Variants in GNAI2 observed in about 807,000 individuals in gnomAD.
GNAI2 encodes the protein G protein subunit alpha i2.
Under a neutral mutation model 36.8 loss-of-function variants are expected in GNAI2, and 4 were observed. That is an observed-to-expected ratio of 0.11 (90% confidence interval 0.05 to 0.25). The LOEUF (loss-of-function observed/expected upper bound fraction) is 0.25. Among genes scored for constraint, GNAI2 ranks in the 10% least tolerant of loss-of-function variants. The probability of loss-of-function intolerance (pLI) is 1.00; values close to 1 mark genes in which losing one functional copy is unlikely to be tolerated. For missense variants in GNAI2, 230 were observed against 481.3 expected (o/e 0.48, Z 4.89); for synonymous variants, 194 against 194.1 (o/e 1.00, Z 0.01).
upstream of GNAI2, among the ~76,000 whole-genome samples, chr3:50,228,871 G>A (rs770306073): frequency 6.6e-6 from 1 of 152,128 alleles, no homozygotes; most frequent in Non-Finnish European, 1.5e-5. Flanking sequence ...TGCTCCATAC[G>A]GTACAGGCAG....
chr3:50,246,187 G>A (rs1553701751), intron 1 of GNAI2, among the ~76,000 whole-genome samples: 1 of 152,204 alleles, frequency 6.6e-6, no homozygotes, highest in Non-Finnish European at 1.5e-5. Context: ...CCTCCCTCCC[G>A]TTGCCATGGT....
intron 1 of GNAI2, among the ~76,000 whole-genome samples, chr3:50,248,697 G>C (rs975324140): frequency 3.3e-5 from 5 of 152,148 alleles, no homozygotes; most frequent in African/African-American, 9.7e-5. Flanking sequence ...AGGGATAGGG[G>C]CTCCATGACC....
chr3:50,232,295 G>C (rs587616579), upstream of GNAI2, among the ~76,000 whole-genome samples: 3 of 152,048 alleles, frequency 2.0e-5, no homozygotes, highest in African/African-American at 7.2e-5. Flanking sequence ...ATGCCACTGC[G>C]CTCCAGCTTG....
chr3:50,250,001 G>A (rs1307648805), intron 1 of GNAI2, among the ~76,000 whole-genome samples: 2 of 152,198 alleles, frequency 1.3e-5, no homozygotes, highest in East Asian at 3.9e-4. Context: ...GTGTGGCTCC[G>A]CTGCAGTACC....
At chr3:50,233,227 G>A (rs1280778023), upstream of GNAI2, among the ~76,000 whole-genome samples, 3 of 152,156 alleles carry the variant, frequency 2.0e-5, no homozygotes, top group Non-Finnish European at 2.9e-5. Flanking sequence ...GCTGACTGGC[G>A]GGAAGGGTGC....
Position 50,240,382 on chromosome 3 carries a change from C to T in GNAI2, c.118+3929C>T, listed in dbSNP as rs191032469. ...AGCAGGAAGACTTGGCCTGTATTCCCAAGAGCTTGGGTGGGTGTTTCCTGG... is the reference window on the plus strand; with the variant it reads ...AGCAGGAAGACTTGGCCTGTATTCCTAAGAGCTTGGGTGGGTGTTTCCTGG... On this transcript the variant is annotated intron_variant, in intron 1 of 8. Transcript: ENST00000313601. Among the ~76,000 whole-genome samples the T allele has an allele frequency of 5.8e-4, 88 of 152,274 alleles. 1 individual carries two copies. Among genetic ancestry groups the T allele is most frequent in the African/African-American group, 2.0e-3 (84 of 41,558 alleles).
chr3:50,256,927 C>T lies in GNAI2; in HGVS notation c.724-10C>T, dbSNP rs782024192. 13 of 1,614,042 alleles carry T rather than the reference C, an allele frequency of 8.1e-6. No homozygotes were observed. Among genetic ancestry groups the T allele is most frequent in the Non-Finnish European group, 1.0e-5 (12 of 1,179,932 alleles). On this transcript the variant is annotated splice_polypyrimidine_tract_variant and intron_variant, in intron 6 of 8. Coordinates refer to ENST00000313601, the MANE Select transcript of GNAI2 (RefSeq NM_002070.4). ...GGTGGCTAGCGTTGACCTTGCTATT[C>T]TACCCCCAGAACCGCATGCATGAGA...
At chr3:50,239,699 A>C (rs977486236) in intron 1 of GNAI2, 3 of 152,234 alleles carry the variant, frequency 2.0e-5, no homozygotes, top group Non-Finnish European at 4.4e-5. Flanking sequence ...GTTTCTTCCC[A>C]GCCCCGCCAC....
Position 50,236,220 on chromosome 3 carries a change from C to T in GNAI2, c.-116C>T, listed in dbSNP as rs1575437776. On this transcript the variant is annotated 5_prime_UTR_variant, in exon 1 of 9. Transcript: ENST00000313601. This position sits in a 1 kb window ranked among gnomAD's most constrained non-coding sequence, Gnocchi z 4.0. ...GCCTCCCGCAGTCGCTCGGAACTGC[C>T]GACCCGAGTGCTTCCCGCAGAGGGC... 4 of 1,188,070 alleles carry T rather than the reference C, an allele frequency of 3.4e-6. No homozygotes were observed. The highest frequency in any genetic ancestry group is 4.2e-6 in the Non-Finnish European group (4 of 960,736). The allele number at this position is 1,188,070 out of a possible 1,614,324, so 73.6% of individuals were successfully genotyped here. A position where few individuals can be genotyped will look rare whatever the true frequency, so the allele number is the denominator to read the frequency against.
intron 1 of GNAI2, chr3:50,239,793 C>T (rs1700260283): frequency 6.6e-6 from 1 of 152,256 alleles, no homozygotes; most frequent in South Asian, 2.1e-4. Context: ...TTCTTCCTTC[C>T]AACTCAGGCT....
At chr3:50,257,975 G>A (rs1481623043) in intron 8 of GNAI2, 1 of 357,004 alleles carries the variant, frequency 2.8e-6, no homozygotes, top group Non-Finnish European at 5.1e-6. Flanking sequence ...GACAGAACCA[G>A]AGGCCATCCT....
chr3:50,247,496 G>T (rs1391192866), intron 1 of GNAI2, among the ~76,000 whole-genome samples: 1 of 152,236 alleles, frequency 6.6e-6, no homozygotes, highest in East Asian at 1.9e-4. Context: ...TGACTTGAAT[G>T]CTGGGGCCTG....
At chr3:50,229,370 G>A, upstream of GNAI2, 1 of 152,262 alleles carries the variant, frequency 6.6e-6, no homozygotes, top group Non-Finnish European at 1.5e-5. Context: ...AGCCCTGAGA[G>A]CTCCTGAGTT....
chr3:50,249,713 C>G (rs1461895835), intron 1 of GNAI2, among the ~76,000 whole-genome samples: 1 of 152,260 alleles, frequency 6.6e-6, no homozygotes, highest in Non-Finnish European at 1.5e-5. Flanking sequence ...ACCCAACTAG[C>G]TGTCACTCCC....
Position 50,253,950 on chromosome 3 carries a change from G to GGGT in GNAI2, c.464+772_464+774dup, listed in dbSNP as rs1355369251. On this transcript the variant is annotated intron_variant, in intron 4 of 8. Coordinates refer to ENST00000313601, the MANE Select transcript of GNAI2 (RefSeq NM_002070.4). This position sits in a 1 kb window ranked among gnomAD's most constrained non-coding sequence, Gnocchi z 4.2. ...GGGGCATAGCATGTGCAGCATCTCGGGGTGGTGGGGAGCTGGCTGTGCTTG... is the reference window on the plus strand; with the variant it reads ...GGGGCATAGCATGTGCAGCATCTCGGGGTGGTGGTGGGGAGCTGGCTGTGCTTG... Among the ~76,000 whole-genome samples, 2 of 152,112 alleles carry GGGT rather than the reference G, an allele frequency of 1.3e-5. No individual in the cohort carries two copies. Among genetic ancestry groups the GGGT allele is most frequent in the African/African-American group, 4.8e-5 (2 of 41,402 alleles).
At chr3:50,228,552 A>G (rs1457670014), upstream of GNAI2, among the ~76,000 whole-genome samples, 1 of 99,700 alleles carries the variant, frequency 1.0e-5, no homozygotes, top group African/African-American at 7.8e-5. Flanking sequence ...TCCGTCTCCA[A>G]AAAAAAAAAA....
At chr3:50,228,181 A>G (rs1575431702), upstream of GNAI2, among the ~76,000 whole-genome samples, 1 of 152,040 alleles carries the variant, frequency 6.6e-6, no homozygotes. Flanking sequence ...AATGGTGCCC[A>G]CCTCCTATCC....
Position 50,236,927 on chromosome 3 carries a change from T to A in GNAI2, c.118+474T>A, listed in dbSNP as rs1553700474. Among the ~76,000 whole-genome samples the A allele has an allele frequency of 6.6e-6, 1 of 152,092 alleles. No individual in the cohort carries two copies. Among genetic ancestry groups the A allele is most frequent in the East Asian group, 1.9e-4 (1 of 5,192 alleles). ...CCCCCACCCACTCCCTCCTTCTCCT[T>A]CTGTGCCCCATCCCTAGTCTGGAAT... is the stretch of plus-strand genomic sequence containing the variant. On this transcript the variant is annotated intron_variant, in intron 1 of 8. Transcript: ENST00000313601. The surrounding 1 kb of genome is among the most constrained non-coding windows in gnomAD (Gnocchi z 4.0).
chr3:50,243,206 C>A (rs1700335070), intron 1 of GNAI2, among the ~76,000 whole-genome samples: 1 of 152,256 alleles, frequency 6.6e-6, no homozygotes, highest in Non-Finnish European at 1.5e-5. Context: ...GTCCAGGTAG[C>A]TCTGTACCTT....
Sources: allele counts gnomAD v4.1 joint callset (sites outside exome capture counted in the v4.1 genomes callset), GRCh38; gene constraint gnomAD v4.1.1; non-coding constraint Gnocchi (gnomAD v3.1); transcripts MANE v1.5; gene names NCBI Gene and HGNC (gene_info 2026-07-23, HGNC 2026-07-21).